SPATA6: variants seen among roughly 807,000 people sequenced by gnomAD.
SPATA6 encodes spermatogenesis-associated protein 6.
In SPATA6, 56 loss-of-function variants were observed where a neutral mutation model predicts 65.3. The ratio of observed to expected loss-of-function variants is 0.86; its 90% confidence interval spans 0.69 to 1.07. SPATA6 has a LOEUF of 1.07. Among genes scored for constraint, SPATA6 ranks in the 50% least tolerant of loss-of-function variants. SPATA6 has a pLI of 0.00. For missense variants in SPATA6, 590 were observed against 594.8 expected (o/e 0.99, Z 0.08); for synonymous variants, 199 against 213.2 (o/e 0.93, Z 0.58).
chr1:48,309,692 T>C (rs1645151706), intron 11 of SPATA6, among the ~76,000 whole-genome samples: 1 of 152,196 alleles, frequency 6.6e-6, no homozygotes. Flanking sequence ...CTGTTTATTG[T>C]TGTTGTTTAT....
intron 1 of SPATA6, among the ~76,000 whole-genome samples, chr1:48,453,417 T>G (rs1193958111): frequency 6.6e-6 from 1 of 152,230 alleles, no homozygotes; most frequent in African/African-American, 2.4e-5. Context: ...TTTTAAACAG[T>G]CAGCCTGAGG....
At chr1:48,314,339 G>C (rs796522589) in intron 11 of SPATA6, among the ~76,000 whole-genome samples, 2 of 152,020 alleles carry the variant, frequency 1.3e-5, no homozygotes, top group Admixed American at 6.6e-5. Flanking sequence ...ATAACAAACT[G>C]TCTCTCAGAC....
chr1:48,285,178 T>G, the SPATA6 span, among the ~76,000 whole-genome samples: 1 of 152,152 alleles, frequency 6.6e-6, no homozygotes, highest in East Asian at 1.9e-4. Context: ...TTTGCCTAGC[T>G]GCGGTGGGCT....
Position 48,395,360 on chromosome 1 carries a change from G to C in SPATA6, c.781-6C>G, listed in dbSNP as rs1434532002. ...CTGGGACTTGGGGGATCAACCTAGA[G>C]GAAGCAGGATTTTTATGTAAAAGAG... On this transcript the variant is annotated splice_polypyrimidine_tract_variant and splice_region_variant and intron_variant, in intron 7 of 12. Transcript: ENST00000371847. The C allele has an allele frequency of 6.5e-7, 1 of 1,529,490 alleles. No individual in the cohort carries two copies. The highest frequency in any genetic ancestry group is 8.8e-7 in the Non-Finnish European group (1 of 1,139,426). 94.7% of individuals were successfully genotyped at this position (1,529,490 alleles called of 1,614,324 possible).
chr1:48,412,867 C>T (rs1652381321), intron 4 of SPATA6, among the ~76,000 whole-genome samples: 1 of 152,026 alleles, frequency 6.6e-6, no homozygotes, highest in Admixed American at 6.6e-5. Context: ...GATCCGCCTG[C>T]CTCAGCCTCC....
At chr1:48,355,640 A>G (rs1457265817) in intron 11 of SPATA6, 30 bp downstream of exon 11, 1 of 1,514,876 alleles carries the variant, frequency 6.6e-7, no homozygotes, top group South Asian at 1.2e-5. Context: ...TATTATAAAT[A>G]GTCTTCAAAA....
chr1:48,455,221 AG>A (rs1656906450), intron 1 of SPATA6, among the ~76,000 whole-genome samples: 1 of 152,228 alleles, frequency 6.6e-6, no homozygotes, highest in Non-Finnish European at 1.5e-5. Context: ...TAACTTAAGA[AG>A]GGCTGTAAGT....
At chr1:48,386,679 T>C (rs2147871642) in intron 8 of SPATA6, among the ~76,000 whole-genome samples, 1 of 152,206 alleles carries the variant, frequency 6.6e-6, no homozygotes, top group South Asian at 2.1e-4. Context: ...TCACCATGGA[T>C]CCCTACGATA....
At chr1:48,398,864 C>G (rs1432037595) in intron 7 of SPATA6, among the ~76,000 whole-genome samples, 1 of 151,834 alleles carries the variant, frequency 6.6e-6, no homozygotes, top group Non-Finnish European at 1.5e-5. Context: ...AAGGCCTTCC[C>G]ATAACCATCA....
At chr1:48,442,700 AAG>A (rs1190627353) in intron 3 of SPATA6, among the ~76,000 whole-genome samples, 1 of 144,800 alleles carries the variant, frequency 6.9e-6, no homozygotes, top group Non-Finnish European at 1.5e-5. Flanking sequence ...GTCAAAGAGA[AAG>A]AGAGATGGAA....
At chr1:48,448,708 AAAGG>A (rs1656292797) in intron 3 of SPATA6, among the ~76,000 whole-genome samples, 1 of 152,246 alleles carries the variant, frequency 6.6e-6, no homozygotes, top group African/African-American at 2.4e-5. Context: ...TCAGCAATAA[AAAGG>A]AATGAACTAC....
chr1:48,362,209 G>A (rs549566836), intron 9 of SPATA6, among the ~76,000 whole-genome samples: 12 of 151,828 alleles, frequency 7.9e-5, no homozygotes, highest in Non-Finnish European at 1.5e-4. Flanking sequence ...AGCTATGACT[G>A]CACCACTGCA....
intron 3 of SPATA6, among the ~76,000 whole-genome samples, chr1:48,432,482 A>C (rs1654495305): frequency 6.6e-6 from 1 of 152,222 alleles, no homozygotes; most frequent in South Asian, 2.1e-4. Flanking sequence ...ATACTTAAAT[A>C]GACATTTCTC....
Position 48,313,821 on chromosome 1 carries a change from A to T in SPATA6, c.1195-7943T>A, listed in dbSNP as rs1212373480. Among the ~76,000 whole-genome samples the T allele has an allele frequency of 2.0e-5, 3 of 152,212 alleles. No individual in the cohort carries two copies. In the East Asian group the frequency reaches 5.8e-4, roughly 29 times the overall value. On this transcript the variant is annotated intron_variant, in intron 11 of 12. Transcript: ENST00000371847. Reference sequence around the variant, plus strand: ...ACCCATCTTATGTGCAGAGACACACATAGGCTCAAAATAAAGGGATGGAGG... The same window carrying T: ...ACCCATCTTATGTGCAGAGACACACTTAGGCTCAAAATAAAGGGATGGAGG...
At chr1:48,326,521 C>CAAAAAAAAAAAAAAAAA (rs1330859768) in intron 11 of SPATA6, among the ~76,000 whole-genome samples, 2 of 80,082 alleles carry the variant, frequency 2.5e-5, no homozygotes, top group African/African-American at 4.2e-5. Context: ...TCATATGAAA[C>CAAAAAAAAAAAAAAAAA]AAAAAAAAAA....
At chr1:48,381,270 T>A (rs1648544257) in intron 9 of SPATA6, among the ~76,000 whole-genome samples, 1 of 152,186 alleles carries the variant, frequency 6.6e-6, no homozygotes, top group Admixed American at 6.5e-5. Flanking sequence ...ATATTCATAG[T>A]CTATACTAGT....
chr1:48,414,275 T>C (rs537920644), intron 3 of SPATA6, among the ~76,000 whole-genome samples: 12 of 152,318 alleles, frequency 7.9e-5, no homozygotes, highest in African/African-American at 2.2e-4. Context: ...TCCCCTCATA[T>C]TTCCACCAGC....
chr1:48,342,600 A>T (rs1646250698), intron 11 of SPATA6, among the ~76,000 whole-genome samples: 1 of 150,272 alleles, frequency 6.7e-6, no homozygotes, highest in Admixed American at 6.6e-5. Flanking sequence ...TGGGTGACAG[A>T]GCGAGACTCC....
Position 48,298,225 on chromosome 1 carries a change from G to C in SPATA6, c.*488C>G, listed in dbSNP as rs1478251790. 6.6e-6 allele frequency: 1 copy of C among 152,166 alleles called. No homozygotes were observed. The highest frequency in any genetic ancestry group is 1.5e-5 in the Non-Finnish European group (1 of 68,040). The allele number at this position is 152,166 out of a possible 1,614,324, so 9.4% of individuals were successfully genotyped here. The stretch of plus-strand genomic sequence containing the variant: ...TCTGAAAAAGGAAAAAGTAGAAAAT[G>C]TTAGTGAAAACAGGGTTTAAACCCT... On this transcript the variant is annotated 3_prime_UTR_variant, in exon 13 of 13. Transcript: ENST00000371847.
Sources: gnomAD v4.1 joint callset for allele counts (sites outside exome capture counted in the v4.1 genomes callset) on GRCh38, gnomAD v4.1.1 for gene constraint, MANE v1.5 for transcripts, NCBI Gene and HGNC (gene_info 2026-07-23, HGNC 2026-07-21) for gene names.